SLC30A9: variants seen among roughly 807,000 people sequenced by gnomAD.
SLC30A9 encodes solute carrier family 30 member 9, also known as proton-coupled zinc antiporter SLC30A9, mitochondrial.
Under a neutral mutation model 87.5 loss-of-function variants are expected in SLC30A9, and 58 were observed. The ratio of observed to expected loss-of-function variants is 0.66; its 90% confidence interval spans 0.54 to 0.82. The LOEUF is 0.82. SLC30A9 is among the 40% of genes least tolerant of loss of function. SLC30A9 has a pLI of 0.00. For missense variants in SLC30A9, 557 were observed against 679.1 expected (o/e 0.82, Z 2.00); for synonymous variants, 234 against 233.0 (o/e 1.00, Z -0.04).
intron 16 of SLC30A9, among the ~76,000 whole-genome samples, chr4:42,076,974 A>AAAAAT (rs200061915): frequency 1.4e-5 from 2 of 141,268 alleles, no homozygotes; most frequent in Admixed American, 7.2e-5. Flanking sequence ...AAAAAAAAAA[A>AAAAAT]AAAGAAAGAA....
At chr4:42,019,219 A>G (rs1715839875) in intron 3 of SLC30A9, among the ~76,000 whole-genome samples, 1 of 152,200 alleles carries the variant, frequency 6.6e-6, no homozygotes, top group Admixed American at 6.5e-5. Flanking sequence ...AGAATAGAAC[A>G]TGAAGTGAAT....
chr4:42,017,992 C>T, intron 2 of SLC30A9, 119 bp from the exon 3 acceptor site: 3 of 597,686 alleles, frequency 5.0e-6, no homozygotes, highest in Non-Finnish European at 9.0e-6. Context: ...ATGAATCCAA[C>T]ATGGTCTGAT....
intron 7 of SLC30A9, among the ~76,000 whole-genome samples, chr4:42,036,823 G>A (rs1047617211): frequency 3.3e-5 from 5 of 152,124 alleles, no homozygotes; most frequent in Non-Finnish European, 4.4e-5. Context: ...GCCTTCATAT[G>A]TCTTATGAGC....
chr4:42,045,275 TG>T (rs1230848036), intron 8 of SLC30A9, among the ~76,000 whole-genome samples: 1 of 152,040 alleles, frequency 6.6e-6, no homozygotes, highest in Non-Finnish European at 1.5e-5. Flanking sequence ...ATCCAGGAGC[TG>T]GTTTTTTTAA....
At chr4:42,029,651 G>A (rs968453672) in intron 6 of SLC30A9, 17 of 612,806 alleles carry the variant, frequency 2.8e-5, no homozygotes, top group Non-Finnish European at 3.4e-5. Context: ...TGAGGTGAGC[G>A]AAAGTCTGCA....
chr4:42,006,249 A>G (rs1309102548), intron 2 of SLC30A9, among the ~76,000 whole-genome samples: 1 of 152,198 alleles, frequency 6.6e-6, no homozygotes. Flanking sequence ...CCAATCCCCA[A>G]CAAATACTGA....
intron 14 of SLC30A9, among the ~76,000 whole-genome samples, chr4:42,069,152 A>G (rs975457839): frequency 6.6e-6 from 1 of 152,226 alleles, no homozygotes; most frequent in East Asian, 1.9e-4. Context: ...ATAAATTACT[A>G]GCAAAATTTT....
intron 6 of SLC30A9, chr4:42,029,511 G>A: frequency 1.5e-6 from 1 of 676,970 alleles, no homozygotes; most frequent in East Asian, 2.7e-5. Context: ...AGCACTGTGA[G>A]GCATATGTGC....
chr4:42,018,291 T>C (rs1327475248), intron 3 of SLC30A9, 121 bp downstream of exon 3: 1 of 748,780 alleles, frequency 1.3e-6, no homozygotes, highest in African/African-American at 1.8e-5. Context: ...TTTTTTACTT[T>C]TATTTAAATA....
At chr4:42,055,907 A>G (rs553033403) in intron 9 of SLC30A9, among the ~76,000 whole-genome samples, 103 of 152,334 alleles carry the variant, frequency 6.8e-4, no homozygotes, top group African/African-American at 2.3e-3. Flanking sequence ...CTTAGCCACT[A>G]GATGTTAATG....
chr4:42,016,280 T>G (rs951417337), intron 2 of SLC30A9, among the ~76,000 whole-genome samples: 3 of 152,210 alleles, frequency 2.0e-5, no homozygotes, highest in Admixed American at 6.5e-5. Context: ...GAAAATGTTT[T>G]AAGGGTGAGA....
chr4:42,017,555 T>TGTAAAC (rs1279773103), intron 2 of SLC30A9, among the ~76,000 whole-genome samples: 3 of 152,126 alleles, frequency 2.0e-5, no homozygotes, highest in African/African-American at 7.2e-5. Context: ...AATAATTAAT[T>TGTAAAC]AATCTACCTG....
chr4:42,016,900 C>T (rs1291305431), intron 2 of SLC30A9, among the ~76,000 whole-genome samples: 1 of 152,168 alleles, frequency 6.6e-6, no homozygotes, highest in African/African-American at 2.4e-5. Context: ...GCTCTGAACA[C>T]TCATGTACCT....
intron 6 of SLC30A9, among the ~76,000 whole-genome samples, chr4:42,031,457 G>A (rs1487594490): frequency 6.6e-6 from 1 of 152,206 alleles, no homozygotes; most frequent in Admixed American, 6.5e-5. Flanking sequence ...GTAAGAAGAT[G>A]CTAAAAGGCA....
At chr4:42,034,878 A>G (rs1716614643) in intron 6 of SLC30A9, among the ~76,000 whole-genome samples, 1 of 152,132 alleles carries the variant, frequency 6.6e-6, no homozygotes, top group African/African-American at 2.4e-5. Context: ...CAATTGCACC[A>G]TTTTACATTC....
At chr4:42,078,170 G>T (rs1023547748) in intron 16 of SLC30A9, 42 bp from the exon 17 acceptor site, 9 of 1,018,212 alleles carry the variant, frequency 8.8e-6, no homozygotes, top group Non-Finnish European at 1.3e-5. Flanking sequence ...TACCACTATG[G>T]TTTTTTAAAA....
chr4:41,992,349 AAAAG>A (rs1714485120), intron 1 of SLC30A9, among the ~76,000 whole-genome samples: 1 of 152,038 alleles, frequency 6.6e-6, no homozygotes. Flanking sequence ...CAAAAAAAAA[AAAAG>A]AAAAGAAAAA....
Position 42,018,154 on chromosome 4 carries a change from A to G in SLC30A9, c.318A>G (p.Glu106=). 1 of 1,561,180 alleles carries G rather than the reference A, an allele frequency of 6.4e-7. No homozygotes were observed. The highest frequency in any genetic ancestry group is 2.3e-5 in the East Asian group (1 of 44,304). ...GTELKAPLKQ[E]PLQVRVKAVL... is the part of the protein sequence containing the mutation. ...AACTCAAAGCTCCACTTAAGCAAGA[A>G]CCTCTCCAAGTAAGAGGTAAATATA... The change falls in exon 3 of 18, where the codon GAA becomes GAG. Residue 106 remains glutamate (E), a synonymous_variant. Coordinates refer to ENST00000264451, the MANE Select transcript of SLC30A9 (RefSeq NM_006345.4).
rs1209576567 is a variant in SLC30A9 at position 42,088,581 on chromosome 4, A to G, written c.*2455A>G. The stretch of plus-strand genomic sequence containing the variant: ...CATTCATGGCAGAATACGAAGGGGA[A>G]GCAGTCATAGCCAGAGGAAGAGCAA... On this transcript the variant is annotated 3_prime_UTR_variant, in exon 18 of 18. Transcript: ENST00000264451. The G allele has an allele frequency of 6.6e-6, 1 of 152,584 alleles. No homozygotes were observed. Among genetic ancestry groups the G allele is most frequent in the Non-Finnish European group, 1.5e-5 (1 of 68,346 alleles). 9.5% of individuals were successfully genotyped at this position (152,584 alleles called of 1,614,324 possible).
Sources: gnomAD v4.1 joint callset for allele counts (sites outside exome capture counted in the v4.1 genomes callset) on GRCh38, gnomAD v4.1.1 for gene constraint, MANE v1.5 for transcripts, NCBI Gene and HGNC (gene_info 2026-07-23, HGNC 2026-07-21) for gene names.